The following CENPF variants were observed in gnomAD, a reference collection of about 807,000 sequenced individuals.
CENPF encodes the protein AH antigen.
A neutral mutation model predicts 307.3 loss-of-function variants in CENPF; 214 were observed. The ratio of observed to expected loss-of-function variants is 0.70; its 90% CI spans 0.62 to 0.78. The LOEUF (loss-of-function observed/expected upper bound fraction) is 0.78. Ranked by LOEUF, CENPF falls within the 30% of genes least tolerant of loss-of-function variation. The probability of loss-of-function intolerance (pLI) is 0.00; values close to 1 mark genes in which losing one functional copy is unlikely to be tolerated. For synonymous variants in CENPF, 1,259 were observed against 1,270.6 expected, an observed-to-expected ratio of 0.99 and a Z score of 0.19; for missense variants, 3,401 against 3,483.9, an observed-to-expected ratio of 0.98 and a Z score of 0.60.
chr1:214,614,922 A>C lies in CENPF; in HGVS notation c.253A>C (p.Lys85Gln). ...TGAAAGTCTGGAGAAAACTAAGCAGAAGATTTCTCATGAACTTCAAGTCAA... is the reference window on the plus strand; with the variant it reads ...TGAAAGTCTGGAGAAAACTAAGCAGCAGATTTCTCATGAACTTCAAGTCAA... ...ICESLEKTKQ[K>Q]ISHELQVKES... Residue 85 changes from lysine to glutamine, a missense_variant, in exon 3 of 20, where the codon AAG becomes CAG. Transcript: ENST00000366955. 1 of 1,611,762 alleles carries C rather than the reference A, an allele frequency of 6.2e-7. No individual in the cohort carries two copies.
intron 11 of CENPF, 92 bp downstream of exon 11, chr1:214,638,093 G>A (rs1658011952): frequency 3.8e-6 from 5 of 1,308,094 alleles, no homozygotes; most frequent in Non-Finnish European, 4.1e-6. Context: ...GAAACTCTTT[G>A]GATTTTTTTT....
At chr1:214,605,647 G>T in intron 1 of CENPF, 2 of 1,541,676 alleles carry the variant, frequency 1.3e-6, no homozygotes, top group East Asian at 4.6e-5. Context: ...CTGCCTTATT[G>T]CTGAGGTCTG....
chr1:214,657,181 C>T lies in CENPF; in HGVS notation c.8734C>T (p.Pro2912Ser), dbSNP rs754263221. 6.2e-6 allele frequency: 10 copies of T among 1,614,180 alleles called. No individual in the cohort carries two copies. The South Asian group carries it at 9.9e-5, about 16-fold the overall frequency. The change falls in exon 18 of 20, where the codon CCA (proline) becomes TCA (serine). Residue 2912 changes from proline (P) to serine (S), a missense_variant. Transcript: ENST00000366955. ...AGGTCCAGTTGTTCCAGGACCATCT[C>T]CAATCCCTTCTGTTACTGAAAAGAG... ...LLGPVVPGPS[P>S]IPSVTEKRLS...
chr1:214,632,405 A>G (rs765259908), intron 9 of CENPF, 75 bp from the exon 10 acceptor site: 3 of 1,505,912 alleles, frequency 2.0e-6, no homozygotes, highest in Non-Finnish European at 2.7e-6. Context: ...TGACCATTTT[A>G]TTGTTTAAGA....
At chr1:214,606,158 G>C (rs1657024364) in intron 1 of CENPF, 2 of 1,374,964 alleles carry the variant, frequency 1.5e-6, no homozygotes, top group East Asian at 2.5e-5. Flanking sequence ...CCCGGGCCCA[G>C]CTCCGGATGC....
rs1047643210 is a variant in CENPF, at chr1:214,608,967, C to T, written c.-41-4747C>T. On this transcript the variant is annotated intron_variant, in intron 1 of 19. Transcript: ENST00000366955. ...AGGGGGGAGGGCGCCCCCCCAGCTA[C>T]GGCCCCAGACGGCAGCCCCGTTAGG... is the stretch of plus-strand genomic sequence containing the variant. 5.6e-5 allele frequency: 50 copies of T among 889,258 alleles called. No homozygotes were observed. In the African/African-American group the frequency reaches 6.5e-4, roughly 12 times the overall value. The allele number at this position is 889,258 out of a possible 1,614,324, so 55.1% of individuals were successfully genotyped here. A position where few individuals can be genotyped will look rare whatever the true frequency, so the allele number is the denominator to read the frequency against.
Position 214,663,763 on chromosome 1 carries a change from C to T in CENPF, c.9314C>T (p.Ser3105Phe), listed in dbSNP as rs1365746808. 6.2e-7 allele frequency: 1 copy of T among 1,614,084 alleles called. No individual in the cohort carries two copies. The highest frequency in any genetic ancestry group is 8.5e-7 in the Non-Finnish European group (1 of 1,180,012). ...CCCAGCCCCAAAGCTGGACTGGAGT[C>T]CAACGGCAGTGAGAACTGTAAGGTC... Reference protein sequence around the residue: ...LVPSPKAGLESNGSENCKVQ With the variant: ...LVPSPKAGLEFNGSENCKVQ The change falls in exon 20 of 20, where the codon TCC becomes TTC. Residue 3105 changes from serine (S) to phenylalanine (F), a missense_variant. Physicochemically the swap from Ser to Phe is radical, Grantham distance 155 (BLOSUM62 -2). Transcript: ENST00000366955.
In CENPF at chr1:214,655,289, G is replaced by A. The variant is rs756032187; in HGVS notation, c.8371G>A (p.Ala2791Thr). The A allele has an allele frequency of 3.1e-6, 5 of 1,609,912 alleles. No individual in the cohort carries two copies. Among genetic ancestry groups the A allele is most frequent in the Non-Finnish European group, 4.2e-6 (5 of 1,177,928 alleles). The change falls in exon 17 of 20, where the codon GCC (alanine) becomes ACC (threonine). Residue 2791 changes from alanine (A) to threonine (T), a missense_variant. Physicochemically the swap from Ala to Thr is moderately conservative, Grantham distance 58. Coordinates refer to ENST00000366955, the MANE Select transcript of CENPF (RefSeq NM_016343.4). ...TCAGTTGAAGAAGGAAAATGAACGT[G>A]CCCAGGGGAAAATGAAGTTGTTGAT... ...VNQLKKENERAQGKMKLLIKS... is the reference protein window; with the variant it reads ...VNQLKKENERTQGKMKLLIKS...
In CENPF at chr1:214,655,378, A is replaced by G. The variant is rs1490329548; in HGVS notation, c.8460A>G (p.Gln2820=). The G allele has an allele frequency of 5.0e-6, 8 of 1,605,392 alleles. No individual in the cohort carries two copies. The Admixed American group carries it at 5.1e-5, about 10-fold the overall frequency. Residue 2820 remains glutamine, a synonymous_variant, in exon 17 of 20, where the codon CAA becomes CAG. Coordinates refer to ENST00000366955, the MANE Select transcript of CENPF (RefSeq NM_016343.4). ...EILQKELSQL[Q]AAQEKQKTGT... is the part of the protein sequence containing the mutation. ...TGCAGAAAGAACTCTCTCAACTTCA[A>G]GCTGCACAGGAGAAGCAGAAAACAG...
rs1156928176 is a variant in CENPF at position 214,647,263 on chromosome 1, T to G, written c.7693T>G (p.Leu2565Val). ...NLELRNLTVELEQKIQVLQSK... is the reference protein window; with the variant it reads ...NLELRNLTVEVEQKIQVLQSK... ...AGAACTGAGAAATCTGACAGTGGAATTGGAGCAGAAGATCCAAGTGCTACA... is the reference window on the plus strand; with the variant it reads ...AGAACTGAGAAATCTGACAGTGGAAGTGGAGCAGAAGATCCAAGTGCTACA... The change falls in exon 13 of 20, where the codon TTG (leucine) becomes GTG (valine). Residue 2565 changes from leucine to valine, a missense_variant. By Grantham distance (32) the Leu-to-Val change is conservative. Transcript: ENST00000366955. The G allele has an allele frequency of 1.9e-6, 3 of 1,613,974 alleles. No individual in the cohort carries two copies. Among genetic ancestry groups the G allele is most frequent in the Non-Finnish European group, 1.7e-6 (2 of 1,179,972 alleles).
At position 214,650,601 on chromosome 1, in the gene CENPF, G is replaced by A. The variant is rs1375883975; in HGVS notation, c.7984-1109G>A. On this transcript the variant is annotated intron_variant, in intron 14 of 19. Transcript: ENST00000366955. ...GTTCTGGAAATCAAGAGGAAGGAAT[G>A]TCTCAAGAAGGAGGGAGTGGCTGGA... Among the ~76,000 whole-genome samples, 6 of 152,068 alleles carry A rather than the reference G, an allele frequency of 3.9e-5. No individual in the cohort carries two copies. In the East Asian group the frequency reaches 7.8e-4, roughly 20 times the overall value.
intron 18 of CENPF, 26 bp downstream of exon 18, chr1:214,657,435 AT>A: frequency 6.6e-7 from 1 of 1,506,846 alleles, no homozygotes; most frequent in Non-Finnish European, 9.1e-7. Flanking sequence ...AGACAAAATT[AT>A]TTGTGTTCTT....
In CENPF at chr1:214,620,789, A is replaced by T. The variant is rs1657483984; in HGVS notation, c.708A>T (p.Pro236=). Residue 236 remains proline, a synonymous_variant, in exon 6 of 20, where the codon CCA becomes CCT. Coordinates refer to ENST00000366955, the MANE Select transcript of CENPF (RefSeq NM_016343.4). ...TTTCATCTAATTCTCAAAGAACTCC[A>T]ATTAGGAGAGATTTCTCTGCATCTT... is the stretch of plus-strand genomic sequence containing the variant. ...SHLSSNSQRT[P]IRRDFSASYF... 9 of 1,614,142 alleles carry T rather than the reference A, an allele frequency of 5.6e-6. No individual in the cohort carries two copies. The highest frequency in any genetic ancestry group is 7.6e-6 in the Non-Finnish European group (9 of 1,180,018).
At position 214,604,349 on chromosome 1, in the gene CENPF, C is replaced by T. The variant is rs780138254; in HGVS notation, c.-42+1028C>T. ...CTTCATCCAGGGCTTTTCTTCACTC[C>T]CCACCTCGATTCCCTGTTCCTCAAA... On this transcript the variant is annotated intron_variant, in intron 1 of 19. Transcript: ENST00000366955. Among the ~76,000 whole-genome samples the T allele has an allele frequency of 6.8e-4, 103 of 152,248 alleles. 1 individual carries two copies. The highest frequency in any genetic ancestry group is 6.8e-3 in the Middle Eastern group (2 of 294).
chr1:214,603,373 GGCGGGCGGCGTGGGGGT>G (rs1656937844), intron 1 of CENPF, 52 bp downstream of exon 1: 1 of 153,468 alleles, frequency 6.5e-6, no homozygotes, highest in Non-Finnish European at 1.5e-5. Flanking sequence ...GGCGGTAGGC[GGCGGGCGGCGTGGGGGT>G]GCCGCTGGCT....
At chr1:214,656,587 A>G (rs1342651140) in intron 17 of CENPF, among the ~76,000 whole-genome samples, 1 of 152,194 alleles carries the variant, frequency 6.6e-6, no homozygotes, top group Non-Finnish European at 1.5e-5. Context: ...GGTAGACAGA[A>G]TGGACTGGGG....
intron 2 of CENPF, among the ~76,000 whole-genome samples, chr1:214,614,574 T>C (rs1009464810): frequency 6.6e-6 from 1 of 152,194 alleles, no homozygotes; most frequent in Non-Finnish European, 1.5e-5. Flanking sequence ...ATTTCCTATT[T>C]TTTAATTTTT....
In CENPF at chr1:214,645,681, G is replaced by T. The variant is rs1658273723; in HGVS notation, c.6111G>T (p.Leu2037=). The T allele has an allele frequency of 6.2e-7, 1 of 1,614,066 alleles. No individual in the cohort carries two copies. The highest frequency in any genetic ancestry group is 8.5e-7 in the Non-Finnish European group (1 of 1,180,038). The part of the protein sequence containing the change: ...LKDKTHLQEK[L]QSLEKDSQAL... ...ACAAAACTCATCTCCAGGAAAAGCT[G>T]CAGAGTTTGGAAAAGGACTCACAGG... Residue 2037 remains leucine (L), a synonymous_variant, in exon 13 of 20, where the codon CTG becomes CTT. Transcript: ENST00000366955.
Position 214,645,454 on chromosome 1 carries a change from C to T in CENPF, c.5884C>T (p.Gln1962Ter), listed in dbSNP as rs113750787. 6.2e-6 allele frequency: 10 copies of T among 1,613,746 alleles called. No homozygotes were observed. Among genetic ancestry groups the T allele is most frequent in the Non-Finnish European group, 8.5e-6 (10 of 1,179,940 alleles). The change falls in exon 13 of 20, where the codon CAG becomes TAG. Residue 1962 changes from glutamine (Q) to a stop codon, truncating the protein, a stop_gained. Coordinates refer to ENST00000366955, the MANE Select transcript of CENPF (RefSeq NM_016343.4). LOFTEE classifies it high-confidence loss of function. ...CTCAGTGGTCACAAGTGAGAGAAAC[C>T]AGCTTCGTGGAGAATTAGATACTAT... ...ELSVVTSERN[Q>*]LRGELDTMSK...
Sources: gnomAD v4.1 joint callset for allele counts (sites outside exome capture counted in the v4.1 genomes callset) on GRCh38, gnomAD v4.1.1 for gene constraint, MANE v1.5 for transcripts, NCBI Gene and HGNC (gene_info 2026-07-23, HGNC 2026-07-21) for gene names.